EPRS1: variants seen among roughly 807,000 people sequenced by gnomAD.
EPRS1 encodes bifunctional glutamate/proline--tRNA ligase.
EPRS1 carries 107 observed loss-of-function variants against 188.3 expected under a neutral mutation model. The observed-to-expected ratio is 0.57, with a 90% CI of 0.49 to 0.67. EPRS1 has a LOEUF of 0.67. Among genes scored for constraint, EPRS1 ranks in the 30% least tolerant of loss-of-function variants. EPRS1 has a pLI of 0.00. For synonymous variants in EPRS1, 596 were observed against 593.1 expected (o/e 1.00, Z -0.07); for missense variants, 1,577 against 1,802.2 (o/e 0.88, Z 2.26).
intron 16 of EPRS1, among the ~76,000 whole-genome samples, chr1:220,004,658 C>T (rs1249984240): frequency 1.3e-5 from 2 of 152,060 alleles, no homozygotes; most frequent in African/African-American, 2.4e-5. Flanking sequence ...TTGAAAGAAT[C>T]TATTCACAGA....
Position 220,033,600 on chromosome 1 carries a change from G to T in EPRS1, c.290C>A (p.Ser97Tyr), listed in dbSNP as rs753268119. The T allele has an allele frequency of 6.2e-7, 1 of 1,607,814 alleles. No homozygotes were observed. The highest frequency in any genetic ancestry group is 8.5e-7 in the Non-Finnish European group (1 of 1,174,620). ...TKLSSCDSFTSTINELNHCLS... is the reference protein window; with the variant it reads ...TKLSSCDSFTYTINELNHCLS... ...GCAATGATTGAGTTCATTAATTGTA[G>T]AAGTAAAGGAATCACATGAAGATAA... Residue 97 changes from serine (S) to tyrosine (Y), a missense_variant, in exon 4 of 32, where the codon TCT (serine) becomes TAT (tyrosine). Around this residue, in one of 3 missense-constraint regions of EPRS1, gnomAD observed 1,278 missense variants for 1,457.4 expected, o/e 0.88. Coordinates refer to ENST00000366923, the MANE Select transcript of EPRS1 (RefSeq NM_004446.3).
Position 220,006,178 on chromosome 1 carries a change from A to G in EPRS1, c.1878T>C (p.Tyr626=), listed in dbSNP as rs41274786. The G allele has an allele frequency of 3.1e-6, 5 of 1,602,462 alleles. No homozygotes were observed. Among genetic ancestry groups the G allele is most frequent in the South Asian group, 2.2e-5 (2 of 89,874 alleles). Residue 626 remains tyrosine, a synonymous_variant, in exon 15 of 32, where the codon TAT becomes TAC. Coordinates refer to ENST00000366923, the MANE Select transcript of EPRS1 (RefSeq NM_004446.3). ...ALPIPVICVT[Y]EHLITKPVLG... The stretch of plus-strand genomic sequence containing the variant: ...GCACTGGCTTTGTGATCAAGTGCTC[A>G]TAAGTGACACAGATTACTGGAATAG...
intron 26 of EPRS1, 109 bp from the exon 27 acceptor site, chr1:219,979,724 C>T: frequency 1.4e-6 from 1 of 700,708 alleles, no homozygotes; most frequent in Non-Finnish European, 2.4e-6. Context: ...TTTTTTTCTC[C>T]CTTTTTTTAC....
In EPRS1 at chr1:220,008,107, CAAAAAAAAAAAAA is replaced by C. The variant is rs55642831; in HGVS notation, c.1606-782_1606-770del. Among the ~76,000 whole-genome samples the C allele has an allele frequency of 2.5e-3, 329 of 133,330 alleles. 3 individuals carry two copies. Among genetic ancestry groups the C allele is most frequent in the East Asian group, 5.7e-3 (27 of 4,738 alleles). 87.5% of individuals were successfully genotyped at this position (133,330 alleles called of 152,430 possible). On this transcript the variant is annotated intron_variant, in intron 13 of 31. Transcript: ENST00000366923. ...GGGCAACAGAGCGAGACTCCGTCAC[CAAAAAAAAAAAAA>C]AAAAAAAAAAAAAAAGATAAAAGAA... is the stretch of plus-strand genomic sequence containing the variant.
At chr1:220,024,160 C>T in intron 8 of EPRS1, 104 bp downstream of exon 8, 2 of 827,194 alleles carry the variant, frequency 2.4e-6, no homozygotes, top group Non-Finnish European at 3.6e-6. Context: ...TCAAAACAAA[C>T]AAACAAACAA....
intron 1 of EPRS1, among the ~76,000 whole-genome samples, 155 bp downstream of exon 1, chr1:220,046,188 G>A (rs1662399058): frequency 1.3e-5 from 2 of 152,130 alleles, no homozygotes; most frequent in Non-Finnish European, 2.9e-5. Flanking sequence ...CGAGGGGTGC[G>A]GAGCCTCCTC....
chr1:220,037,221 G>A (rs569213305), intron 2 of EPRS1, among the ~76,000 whole-genome samples: 3 of 151,622 alleles, frequency 2.0e-5, no homozygotes, highest in Admixed American at 2.0e-4. Flanking sequence ...TAAAAATAAA[G>A]AGGCCAGGCG....
chr1:219,994,793 C>T (rs1451243762), intron 18 of EPRS1, among the ~76,000 whole-genome samples: 1 of 151,836 alleles, frequency 6.6e-6, no homozygotes, highest in Non-Finnish European at 1.5e-5. Flanking sequence ...GCTGGGACTA[C>T]AGGCACCCGC....
chr1:220,018,069 T>C, intron 12 of EPRS1: 2 of 1,056,558 alleles, frequency 1.9e-6, no homozygotes, highest in Non-Finnish European at 2.6e-6. Context: ...ATCTCAGGTT[T>C]TAACATGTAA....
intron 2 of EPRS1, among the ~76,000 whole-genome samples, chr1:220,035,727 G>C (rs113365059): frequency 2.0e-5 from 3 of 151,856 alleles, no homozygotes; most frequent in African/African-American, 7.3e-5. Flanking sequence ...TACTCAGAAG[G>C]CTGAGGCACA....
rs748644088 is a variant in EPRS1 at position 220,007,256 on chromosome 1, C to G, written c.1688G>C (p.Gly563Ala). The G allele has an allele frequency of 1.2e-6, 2 of 1,613,892 alleles. No individual in the cohort carries two copies. Among genetic ancestry groups the G allele is most frequent in the Admixed American group, 1.7e-5 (1 of 60,018 alleles). Residue 563 changes from glycine to alanine, a missense_variant, in exon 14 of 32, where the codon GGT becomes GCT. Gly to Ala is a moderately conservative substitution (Grantham distance 60). Transcript: ENST00000366923. The part of the protein sequence containing the change: ...EGADAETFSE[G>A]EMVTFINWGN... ...CCAATTTATAAATGTAACCATCTCA[C>G]CCTCCGAAAAAGTCTCTGCATCAGC...
At chr1:219,977,808 C>G (rs190793304) in intron 28 of EPRS1, among the ~76,000 whole-genome samples, 1 of 152,104 alleles carries the variant, frequency 6.6e-6, no homozygotes, top group Non-Finnish European at 1.5e-5. Flanking sequence ...GTATAAATAC[C>G]TAAAAATCCC....
Position 219,998,185 on chromosome 1 carries a change from TCA to T in EPRS1, c.2182-845_2182-844del, listed in dbSNP as rs542971848. On this transcript the variant is annotated intron_variant, in intron 17 of 31. Transcript: ENST00000366923. ...TTTTTCAGAATAATCTTATCCATATTCACAGTCTTATGTACAAATTCCAAAAA... is the reference window on the plus strand; with the variant it reads ...TTTTTCAGAATAATCTTATCCATATTCAGTCTTATGTACAAATTCCAAAAA... Among the ~76,000 whole-genome samples, 125 of 152,284 alleles carry T rather than the reference TCA, an allele frequency of 8.2e-4. 1 individual carries two copies. Among genetic ancestry groups the T allele is most frequent in the Non-Finnish European group, 1.5e-3 (105 of 68,016 alleles).
intron 18 of EPRS1, among the ~76,000 whole-genome samples, chr1:219,993,681 A>C (rs1661166815): frequency 6.6e-6 from 1 of 152,226 alleles, no homozygotes; most frequent in South Asian, 2.1e-4. Context: ...TATTAATGTA[A>C]AACAAGCACA....
intron 26 of EPRS1, 89 bp downstream of exon 26, chr1:219,979,996 T>C (rs868611544): frequency 2.7e-5 from 28 of 1,027,980 alleles, no homozygotes; most frequent in Middle Eastern, 2.1e-4. Context: ...TTTTTAAGAG[T>C]CTACTTCTGT....
intron 28 of EPRS1, among the ~76,000 whole-genome samples, chr1:219,974,007 G>T (rs1251401271): frequency 1.3e-5 from 2 of 152,030 alleles, no homozygotes; most frequent in Non-Finnish European, 2.9e-5. Context: ...GCAGTGGCAT[G>T]ATCTTGGCTC....
intron 16 of EPRS1, among the ~76,000 whole-genome samples, chr1:220,002,128 G>A (rs1465291793): frequency 1.3e-5 from 2 of 151,714 alleles, no homozygotes; most frequent in African/African-American, 4.8e-5. Context: ...TCAAGAGTTC[G>A]AGACTAGCCT....
At chr1:219,970,735 G>A (rs907918304) in intron 30 of EPRS1, among the ~76,000 whole-genome samples, 11 of 148,504 alleles carry the variant, frequency 7.4e-5, no homozygotes, top group Non-Finnish European at 1.6e-4. Context: ...CCGAGATCAC[G>A]GCACTGTACT....
intron 15 of EPRS1, 98 bp from the exon 16 acceptor site, chr1:220,005,458 T>C (rs1348195515): frequency 1.7e-6 from 1 of 593,552 alleles, no homozygotes; most frequent in Non-Finnish European, 2.9e-6. Context: ...AATACTCCCA[T>C]TTTAAACAGA....
Sources: gnomAD v4.1 joint callset for allele counts (sites outside exome capture counted in the v4.1 genomes callset) on GRCh38, gnomAD v4.1.1 for gene constraint, gnomAD v4.1.1 regional missense constraint, MANE v1.5 for transcripts, NCBI Gene and HGNC (gene_info 2026-07-23, HGNC 2026-07-21) for gene names.